The following CSAD variants were observed in gnomAD, a reference collection of about 807,000 sequenced individuals.
CSAD encodes cysteine sulfinic acid decarboxylase, also known as P-selectin cytoplasmic tail-associated protein.
In CSAD, 47 loss-of-function variants were observed where a neutral mutation model predicts 61.5. The ratio of observed to expected loss-of-function variants is 0.76; its 90% CI spans 0.60 to 0.97. The LOEUF is 0.97. Ranked by LOEUF, CSAD falls within the 50% of genes least tolerant of loss-of-function variation. The probability of loss-of-function intolerance (pLI) is 0.00; values close to 1 mark genes in which losing one functional copy is unlikely to be tolerated. For missense variants in CSAD, 611 were observed against 643.6 expected (o/e 0.95, Z 0.55); for synonymous variants, 245 against 252.7 (o/e 0.97, Z 0.29).
intron 10 of CSAD, chr12:53,164,691 A>AT (rs1939686356): frequency 6.6e-6 from 1 of 152,248 alleles, no homozygotes; most frequent in South Asian, 2.1e-4. Context: ...ATATACCCTT[A>AT]TAACAAACCT....
chr12:53,159,862 G>C (rs1939049706), intron 15 of CSAD, 25 bp downstream of exon 15: 3 of 1,578,310 alleles, frequency 1.9e-6, no homozygotes, highest in South Asian at 1.1e-5. Flanking sequence ...TGGGGCAGGG[G>C]CCACAAAATA....
chr12:53,172,145 G>C (rs1310306010), intron 6 of CSAD, among the ~76,000 whole-genome samples, 157 bp from the exon 7 acceptor site: 1 of 152,182 alleles, frequency 6.6e-6, no homozygotes. Context: ...AGGGAAGCAA[G>C]AAAGAGAAAA....
intron 1 of CSAD, 60 bp downstream of exon 1, chr12:53,180,672 C>G: frequency 7.8e-7 from 1 of 1,278,406 alleles, no homozygotes; most frequent in South Asian, 1.3e-5. Context: ...GCGGAGAGGA[C>G]GAGGGGGAGG....
chr12:53,177,623 C>CTATTTATT (rs71443288), intron 2 of CSAD, among the ~76,000 whole-genome samples: 119 of 151,620 alleles, frequency 7.8e-4, no homozygotes, highest in Non-Finnish European at 1.0e-3. Context: ...GGAGACCCAT[C>CTATTTATT]TATTTATTTA....
chr12:53,165,352 A>G (rs1344386822), intron 10 of CSAD, among the ~76,000 whole-genome samples: 1 of 150,548 alleles, frequency 6.6e-6, no homozygotes. Context: ...AAAAAAAAAC[A>G]AAACAAAACA....
intron 16 of CSAD, 141 bp downstream of exon 16, chr12:53,159,482 C>T: frequency 1.5e-6 from 1 of 674,180 alleles, no homozygotes; most frequent in Non-Finnish European, 2.6e-6. Flanking sequence ...ATCCCCACCC[C>T]TACCGAAAAG....
chr12:53,161,466 C>G (rs1939272053), intron 10 of CSAD, 77 bp from the exon 11 acceptor site: 2 of 1,227,808 alleles, frequency 1.6e-6, no homozygotes, highest in Non-Finnish European at 2.4e-6. Context: ...GGGCCCAGCT[C>G]TAAGCTCTTT....
In CSAD at chr12:53,165,594, C is replaced by T. The variant is rs555349776; in HGVS notation, c.703-4205G>A. On this transcript the variant is annotated intron_variant, in intron 10 of 16. Transcript: ENST00000444623. ...ATGAGAATGGTGTGAACCTGGGAGG[C>T]GGAGCTTGCAGTGAGCCGAGATCAC... Among the ~76,000 whole-genome samples the T allele has an allele frequency of 4.8e-4, 66 of 138,486 alleles. 1 individual carries two copies. In the South Asian group the frequency reaches 0.014, roughly 29 times the overall value. 90.9% of individuals were successfully genotyped at this position (138,486 alleles called of 152,430 possible). A position where few individuals can be genotyped will look rare whatever the true frequency, so the allele number is the denominator to read the frequency against.
At chr12:53,164,677 C>T (rs1939683518) in intron 10 of CSAD, 1 of 152,110 alleles carries the variant, frequency 6.6e-6, no homozygotes, top group South Asian at 2.1e-4. Flanking sequence ...CTCAGAATCA[C>T]AAAATATACC....
intron 13 of CSAD, 149 bp from the exon 14 acceptor site, chr12:53,160,468 A>T: frequency 1.2e-6 from 1 of 830,586 alleles, no homozygotes; most frequent in Non-Finnish European, 1.9e-6. Flanking sequence ...TGGCTCCAAC[A>T]CCTTTCTTTG....
At chr12:53,178,665 G>A (rs1336857845) in intron 2 of CSAD, among the ~76,000 whole-genome samples, 3 of 152,030 alleles carry the variant, frequency 2.0e-5, no homozygotes, top group Non-Finnish European at 4.4e-5. Context: ...CTGGCAGCAG[G>A]CGCCAGCTAC....
At position 53,172,375 on chromosome 12, in the gene CSAD, G is replaced by A. The variant is rs758148262; in HGVS notation, c.315C>T (p.Arg105=). The A allele has an allele frequency of 3.7e-6, 6 of 1,614,096 alleles. No individual in the cohort carries two copies. Among genetic ancestry groups the A allele is most frequent in the South Asian group, 1.1e-5 (1 of 91,080 alleles). ...TGGTGTTGAGGCTCTCAGTGATAAT[G>A]CGCCCGGCCAGAGCATGGGGATCCA... ...SGLDPHALAG[R]IITESLNTSQ... The change falls in exon 6 of 17, where the codon CGC becomes CGT. Residue 105 remains arginine, a synonymous_variant. Coordinates refer to ENST00000444623, the MANE Select transcript of CSAD (RefSeq NM_001244705.2).
intron 2 of CSAD, among the ~76,000 whole-genome samples, chr12:53,177,732 G>A (rs1048653566): frequency 1.3e-5 from 2 of 152,014 alleles, no homozygotes; most frequent in South Asian, 2.1e-4. Context: ...CCCGCCTCCC[G>A]GGTTCAAGTG....
At chr12:53,165,386 C>A (rs934532332) in intron 10 of CSAD, among the ~76,000 whole-genome samples, 1 of 149,312 alleles carries the variant, frequency 6.7e-6, no homozygotes, top group African/African-American at 2.5e-5. Flanking sequence ...GTTGGCCAGG[C>A]GCGGTGGCTC....
At chr12:53,168,011 T>A (rs1488534418) in intron 10 of CSAD, among the ~76,000 whole-genome samples, 1 of 152,198 alleles carries the variant, frequency 6.6e-6, no homozygotes, top group Non-Finnish European at 1.5e-5. Context: ...TAAATAAATG[T>A]GGTATATCCA....
chr12:53,170,609 T>G, intron 8 of CSAD, 107 bp from the exon 9 acceptor site: 1 of 845,492 alleles, frequency 1.2e-6, no homozygotes, highest in Admixed American at 1.8e-5. Context: ...GACCAGGGCT[T>G]CTCAAATGTC....
chr12:53,171,514 TC>T, intron 7 of CSAD, 73 bp from the exon 8 acceptor site: 1 of 1,445,876 alleles, frequency 6.9e-7, no homozygotes, highest in African/African-American at 1.4e-5. Context: ...CCCTTCCCTT[TC>T]TACCAGAAGA....
At chr12:53,158,723 G>C (rs781565521) in intron 16 of CSAD, 39 bp from the exon 17 acceptor site, 15 of 1,596,622 alleles carry the variant, frequency 9.4e-6, no homozygotes, top group Middle Eastern at 1.7e-4. Context: ...TGCAGCCTGG[G>C]TCGGCTGACA....
intron 10 of CSAD, among the ~76,000 whole-genome samples, chr12:53,163,930 T>G (rs1462688429): frequency 6.6e-6 from 1 of 152,196 alleles, no homozygotes; most frequent in Non-Finnish European, 1.5e-5. Context: ...GGAACAGAAC[T>G]GAGAACCCAG....
Sources: allele counts gnomAD v4.1 joint callset (sites outside exome capture counted in the v4.1 genomes callset), GRCh38; gene constraint gnomAD v4.1.1; transcripts MANE v1.5; gene names NCBI Gene and HGNC (gene_info 2026-07-23, HGNC 2026-07-21).